Variants in DRC8 observed in about 807,000 individuals in gnomAD.
DRC8 encodes the protein dynein regulatory complex protein 8.
chr1:245,028,996 TA>T, the DRC8 span, among the ~76,000 whole-genome samples: 1 of 152,228 alleles, frequency 6.6e-6, no homozygotes, highest in South Asian at 2.1e-4. Context: ...GGCTTTTCTG[TA>T]GCGTTCGGGG....
the DRC8 span, among the ~76,000 whole-genome samples, chr1:244,996,207 C>T: frequency 6.6e-6 from 1 of 152,016 alleles, no homozygotes; most frequent in Admixed American, 6.6e-5. Context: ...CCTGGGGTTT[C>T]CCATAGGCTG....
At chr1:245,105,009 C>T in the DRC8 span, among the ~76,000 whole-genome samples, 1 of 152,192 alleles carries the variant, frequency 6.6e-6, no homozygotes. Context: ...ATTGTCCGCA[C>T]GTTGGACTTG....
At chr1:245,047,464 A>C in the DRC8 span, among the ~76,000 whole-genome samples, 6 of 151,552 alleles carry the variant, frequency 4.0e-5, no homozygotes, top group Admixed American at 2.0e-4. Context: ...GTAAAACCCC[A>C]TCTCCACTAA....
the DRC8 span, among the ~76,000 whole-genome samples, chr1:245,006,929 G>A: frequency 0.096 from 14,450 of 151,028 alleles, 904 homozygotes; most frequent in African/African-American, 0.17. Context: ...GCAAGACTCT[G>A]TCTCAAAAAC....
the DRC8 span, among the ~76,000 whole-genome samples, chr1:245,060,825 A>G: frequency 2.0e-5 from 3 of 152,248 alleles, no homozygotes; most frequent in East Asian, 3.8e-4. Flanking sequence ...GTATGTTTTA[A>G]TCTCTATCAG....
chr1:245,082,012 T>G, the DRC8 span: 1 of 1,291,934 alleles, frequency 7.7e-7, no homozygotes, highest in Non-Finnish European at 1.1e-6. Context: ...CTTGGCACAG[T>G]GCTTGGAACA....
At chr1:245,048,548 A>C in the DRC8 span, among the ~76,000 whole-genome samples, 1 of 152,022 alleles carries the variant, frequency 6.6e-6, no homozygotes, top group Non-Finnish European at 1.5e-5. Flanking sequence ...TTATTTAAAA[A>C]ATTTCAAACT....
At chr1:245,069,252 A>C in the DRC8 span, among the ~76,000 whole-genome samples, 1 of 152,244 alleles carries the variant, frequency 6.6e-6, no homozygotes. Flanking sequence ...TTTGTATGTT[A>C]TATGTATTAT....
chr1:245,014,147 A>C, the DRC8 span, among the ~76,000 whole-genome samples: 1 of 152,080 alleles, frequency 6.6e-6, no homozygotes, highest in African/African-American at 2.4e-5. Context: ...TCCTCCAGTA[A>C]TTGTGTATGA....
chr1:245,016,451 C>T, the DRC8 span, among the ~76,000 whole-genome samples: 1 of 152,228 alleles, frequency 6.6e-6, no homozygotes, highest in Non-Finnish European at 1.5e-5. Context: ...GCAGGCCTCT[C>T]TAAGACCACC....
chr1:245,086,417 A>C, the DRC8 span, among the ~76,000 whole-genome samples: 1 of 152,170 alleles, frequency 6.6e-6, no homozygotes, highest in East Asian at 1.9e-4. Context: ...ATGCTATATA[A>C]CAATATGGAT....
chr1:245,014,496 AAAT>A, the DRC8 span, among the ~76,000 whole-genome samples: 3 of 152,244 alleles, frequency 2.0e-5, no homozygotes, highest in South Asian at 4.1e-4. Context: ...AATAAAGAAA[AAAT>A]AATATCAATA....
the DRC8 span, among the ~76,000 whole-genome samples, chr1:245,119,357 T>TG: frequency 6.6e-6 from 1 of 151,544 alleles, no homozygotes; most frequent in East Asian, 1.9e-4. Context: ...TTTTTTTTTT[T>TG]CATACTAAAA....
the DRC8 span, among the ~76,000 whole-genome samples, chr1:245,110,147 C>T: frequency 4.6e-5 from 7 of 152,112 alleles, no homozygotes; most frequent in Admixed American, 1.3e-4. Flanking sequence ...CTTTGGGAGG[C>T]GGAGGCAGGC....
At chr1:245,078,343 G>T in the DRC8 span, among the ~76,000 whole-genome samples, 3 of 152,106 alleles carry the variant, frequency 2.0e-5, no homozygotes, top group Non-Finnish European at 4.4e-5. Context: ...AGTCCCAAAA[G>T]AAATAAAATC....
the DRC8 span, among the ~76,000 whole-genome samples, chr1:245,083,152 G>A: frequency 1.2e-4 from 18 of 152,172 alleles, no homozygotes; most frequent in African/African-American, 3.9e-4. Flanking sequence ...CCCGAACTCC[G>A]CCTCCTGTCT....
the DRC8 span, among the ~76,000 whole-genome samples, chr1:245,026,275 T>G: frequency 6.6e-6 from 1 of 152,198 alleles, no homozygotes; most frequent in Non-Finnish European, 1.5e-5. Context: ...GAACCTTGAG[T>G]GTACTAGGTC....
At chr1:244,976,910 T>G in the DRC8 span, among the ~76,000 whole-genome samples, 2 of 152,198 alleles carry the variant, frequency 1.3e-5, no homozygotes, top group African/African-American at 4.8e-5. Flanking sequence ...AGCGGATGAA[T>G]GAACAAACCA....
the DRC8 span, among the ~76,000 whole-genome samples, chr1:244,974,780 G>C: frequency 6.6e-6 from 1 of 151,832 alleles, no homozygotes; most frequent in African/African-American, 2.4e-5. Flanking sequence ...CTACAGCCTC[G>C]ACCTCCTGGG....
Sources: gnomAD v4.1 joint callset for allele counts (sites outside exome capture counted in the v4.1 genomes callset) on GRCh38, gnomAD v4.1.1 for gene constraint, MANE v1.5 for transcripts, NCBI Gene and HGNC (gene_info 2026-07-23, HGNC 2026-07-21) for gene names.